The following TLE2 variants were observed in gnomAD, a reference collection of about 807,000 sequenced individuals.
TLE2 encodes transducin-like enhancer protein 2.
In TLE2, 74 loss-of-function variants were observed where a neutral mutation model predicts 97.2. The ratio of observed to expected loss-of-function variants is 0.76; its 90% CI spans 0.63 to 0.92. The LOEUF (loss-of-function observed/expected upper bound fraction) is 0.92, where lower values mean the gene tolerates loss of function less well. Ranked by LOEUF, TLE2 falls within the 40% of genes least tolerant of loss-of-function variation. The pLI is 0.00. For missense variants in TLE2, 1,038 were observed against 1,008.7 expected, an observed-to-expected ratio of 1.03 and a Z score of -0.39; for synonymous variants, 499 against 432.1, an observed-to-expected ratio of 1.15 and a Z score of -1.92.
intron 8 of TLE2, 44 bp downstream of exon 8, chr19:3,017,796 C>T (rs187225230): frequency 3.1e-6 from 5 of 1,599,146 alleles, no homozygotes; most frequent in Non-Finnish European, 4.3e-6. Context: ...CCAGCGTTGG[C>T]CTCCCAAGAA....
In TLE2 at chr19:3,006,802, A is replaced by G. The variant is rs888810469; in HGVS notation, c.1251-133T>C. 4 of 1,326,392 alleles carry G rather than the reference A, an allele frequency of 3.0e-6. No homozygotes were observed. In the African/African-American group the frequency reaches 4.5e-5, roughly 15 times the overall value. The allele number at this position is 1,326,392 out of a possible 1,614,324, so 82.2% of individuals were successfully genotyped here. ...TTTTTATTTTTTGTTTTGTTTTTTG[A>G]GAGGGAGTCTCGCCGTGTCGCCCAG... On this transcript the variant is annotated intron_variant, in intron 14 of 19. Coordinates refer to ENST00000262953, the MANE Select transcript of TLE2 (RefSeq NM_003260.5).
Position 3,012,515 on chromosome 19 carries a change from C to A in TLE2, c.873+1154G>T, listed in dbSNP as rs568696650. Among the ~76,000 whole-genome samples the A allele has an allele frequency of 2.6e-5, 4 of 152,340 alleles. No individual in the cohort carries two copies. In the South Asian group the frequency reaches 8.3e-4, roughly 32 times the overall value. Reference sequence around the variant, plus strand: ...GACAGGGATGAGCCACAGCACCCAGCCACTGTTGAGATTCTTGAACAACAA... The same window carrying A: ...GACAGGGATGAGCCACAGCACCCAGACACTGTTGAGATTCTTGAACAACAA... On this transcript the variant is annotated intron_variant, in intron 11 of 19. Coordinates refer to ENST00000262953, the MANE Select transcript of TLE2 (RefSeq NM_003260.5).
At chr19:3,038,379 A>T (rs925728498) in intron 1 of TLE2, among the ~76,000 whole-genome samples, 3 of 151,980 alleles carry the variant, frequency 2.0e-5, no homozygotes, top group Admixed American at 6.6e-5. Context: ...CAGCTAATTT[A>T]AAAAAAATTT....
chr19:3,027,212 A>C (rs942356434), intron 4 of TLE2, among the ~76,000 whole-genome samples: 1 of 152,268 alleles, frequency 6.6e-6, no homozygotes, highest in East Asian at 1.9e-4. Context: ...GAGAAGCTCC[A>C]GAAGAGGCTC....
At chr19:3,039,368 A>G (rs561572834) in intron 1 of TLE2, among the ~76,000 whole-genome samples, 90 of 150,442 alleles carry the variant, frequency 6.0e-4, no homozygotes, top group Admixed American at 1.5e-3. Flanking sequence ...CCCTCCTCTC[A>G]CCTCCTCCCA....
chr19:3,028,570 T>C (rs2089985647), intron 2 of TLE2, 136 bp downstream of exon 2: 1 of 1,041,704 alleles, frequency 9.6e-7, no homozygotes, highest in East Asian at 2.8e-5. Flanking sequence ...CCTCTGCACC[T>C]GCGCTTCCAC....
chr19:3,022,444 G>A (rs1010973914), intron 5 of TLE2, among the ~76,000 whole-genome samples: 14 of 151,190 alleles, frequency 9.3e-5, no homozygotes, highest in Non-Finnish European at 1.9e-4. Context: ...TGGAAGAATC[G>A]CTTGAACCCA....
rs760560743 is a variant in TLE2, at chr19:3,008,883, G to A, written c.1236C>T (p.Ile412=). The change falls in exon 14 of 20, where the codon ATC becomes ATT. Residue 412 remains isoleucine, a synonymous_variant. Coordinates refer to ENST00000262953, the MANE Select transcript of TLE2 (RefSeq NM_003260.5). The part of the protein sequence containing the change: ...GSSVSSSLPS[I]PGGKPAYSFH... ...CTGGTACTCACGGCTTTCCCCCAGG[G>A]ATGCTGGGTAGGGAGGAAGAGACGG... 12 of 1,589,148 alleles carry A rather than the reference G, an allele frequency of 7.6e-6. No homozygotes were observed. Among genetic ancestry groups the A allele is most frequent in the Non-Finnish European group, 1.0e-5 (12 of 1,167,712 alleles).
At chr19:3,043,817 CA>C (rs1246468059) in intron 1 of TLE2, among the ~76,000 whole-genome samples, 5 of 141,034 alleles carry the variant, frequency 3.5e-5, no homozygotes, top group Non-Finnish European at 1.5e-5. Context: ...CTCAAAAAAA[CA>C]AAACAAAACA....
Position 3,019,494 on chromosome 19 carries a change from C to G in TLE2, c.370-31G>C. The G allele has an allele frequency of 6.7e-7, 1 of 1,487,342 alleles. No homozygotes were observed. The highest frequency in any genetic ancestry group is 8.9e-7 in the Non-Finnish European group (1 of 1,122,010). 92.1% of individuals were successfully genotyped at this position (1,487,342 alleles called of 1,614,324 possible). On this transcript the variant is annotated intron_variant, in intron 6 of 19. Transcript: ENST00000262953. The surrounding 1 kb of genome is among the most constrained non-coding windows in gnomAD (Gnocchi z 5.1). ...AGAAAGGAGGCAGGATGGGCCGGGG[C>G]GGGGGGCGGCAGGAGCCCAGCGGTC... is the stretch of plus-strand genomic sequence containing the variant.
intron 4 of TLE2, among the ~76,000 whole-genome samples, chr19:3,026,739 C>T (rs2089952510): frequency 6.7e-6 from 1 of 149,962 alleles, no homozygotes; most frequent in Non-Finnish European, 1.5e-5. Context: ...TCAGGAACAC[C>T]TCAGAACCTT....
intron 18 of TLE2, among the ~76,000 whole-genome samples, chr19:3,001,740 G>C (rs530984125): frequency 2.1e-4 from 31 of 150,240 alleles, no homozygotes; most frequent in African/African-American, 7.3e-4. Flanking sequence ...CTCCCAAGTA[G>C]CTGAAACTAC....
chr19:3,045,501 A>G (rs1317164528), intron 1 of TLE2, among the ~76,000 whole-genome samples: 1 of 152,062 alleles, frequency 6.6e-6, no homozygotes, highest in Non-Finnish European at 1.5e-5. Context: ...GAGTCCAGAA[A>G]CTTCTTTCTC....
chr19:3,029,563 G>T (rs1433431588), upstream of TLE2: 19 of 521,336 alleles, frequency 3.6e-5, 3 homozygotes, highest in South Asian at 3.0e-4. Flanking sequence ...GGGAGCGGGG[G>T]GGGGGGCTTG....
intron 1 of TLE2, among the ~76,000 whole-genome samples, chr19:3,043,827 C>CAA (rs984267569): frequency 8.9e-6 from 1 of 112,438 alleles, no homozygotes; most frequent in Non-Finnish European, 1.9e-5. Flanking sequence ...CAAAACAAAA[C>CAA]AAAAAAATTA....
intron 1 of TLE2, among the ~76,000 whole-genome samples, chr19:3,043,322 G>A (rs975132232): frequency 1.3e-5 from 2 of 150,334 alleles, no homozygotes; most frequent in Non-Finnish European, 3.0e-5. Flanking sequence ...CCAAAGTGCT[G>A]GGATTATAGG....
At chr19:3,042,651 T>A (rs187964193) in intron 1 of TLE2, among the ~76,000 whole-genome samples, 144 of 147,260 alleles carry the variant, frequency 9.8e-4, no homozygotes, top group African/African-American at 3.3e-3. Flanking sequence ...GCGAGGGAGA[T>A]TGTTGGATAA....
chr19:3,010,998 G>A, intron 12 of TLE2, 24 bp downstream of exon 12: 1 of 1,593,478 alleles, frequency 6.3e-7, no homozygotes, highest in Non-Finnish European at 8.5e-7. Flanking sequence ...GCTCCAGACA[G>A]GCACCAACAG....
chr19:2,997,816 T>C lies in TLE2; in HGVS notation c.*32A>G, dbSNP rs1286679843. 3 of 1,518,100 alleles carry C rather than the reference T, an allele frequency of 2.0e-6. No individual in the cohort carries two copies. Among genetic ancestry groups the C allele is most frequent in the Non-Finnish European group, 2.7e-6 (3 of 1,107,036 alleles). The allele number at this position is 1,518,100 out of a possible 1,614,324, so 94.0% of individuals were successfully genotyped here. ...CTGGCTGCTGATTCCCCTGGGAGTC[T>C]GGACTTCGGGTACAGGAAGGGGGGT... On this transcript the variant is annotated 3_prime_UTR_variant, in exon 20 of 20. Coordinates refer to ENST00000262953, the MANE Select transcript of TLE2 (RefSeq NM_003260.5).
Sources: gnomAD v4.1 joint callset for allele counts (sites outside exome capture counted in the v4.1 genomes callset) on GRCh38, gnomAD v4.1.1 for gene constraint, Gnocchi (gnomAD v3.1) non-coding constraint, MANE v1.5 for transcripts, NCBI Gene and HGNC (gene_info 2026-07-23, HGNC 2026-07-21) for gene names.